Variants in SLC4A4 observed in about 807,000 individuals in gnomAD.
The protein encoded by SLC4A4 is electrogenic sodium bicarbonate cotransporter 1.
SLC4A4 carries 27 observed loss-of-function variants against 111.5 expected under a neutral mutation model. The ratio of observed to expected loss-of-function variants is 0.24; its 90% CI spans 0.18 to 0.33. SLC4A4 has a LOEUF of 0.33. SLC4A4 is among the 10% of genes least tolerant of loss of function. The pLI, the probability that SLC4A4 is intolerant of heterozygous loss-of-function variation, is 1.00. For missense variants in SLC4A4, 909 were observed against 1,315.5 expected, an observed-to-expected ratio of 0.69 and a Z score of 4.78; for synonymous variants, 443 against 463.4, an observed-to-expected ratio of 0.96 and a Z score of 0.57.
chr4:71,443,635 G>A (rs1724976282), intron 8 of SLC4A4, among the ~76,000 whole-genome samples: 1 of 152,104 alleles, frequency 6.6e-6, no homozygotes, highest in African/African-American at 2.4e-5. Context: ...GGAATAAAAT[G>A]TTTTAGGGTT....
At chr4:71,513,686 G>A (rs1732127524) in intron 16 of SLC4A4, among the ~76,000 whole-genome samples, 1 of 152,108 alleles carries the variant, frequency 6.6e-6, no homozygotes, top group African/African-American at 2.4e-5. Flanking sequence ...TGTGAAAGTG[G>A]ATATCCTTGT....
chr4:71,354,893 G>A (rs1161404022), intron 5 of SLC4A4, among the ~76,000 whole-genome samples: 1 of 152,106 alleles, frequency 6.6e-6, no homozygotes, highest in Non-Finnish European at 1.5e-5. Context: ...TTTCAGCTCT[G>A]CTATCATCTA....
chr4:71,126,468 A>G (rs1056425177), intron 2 of SLC4A4, among the ~76,000 whole-genome samples: 1 of 152,198 alleles, frequency 6.6e-6, no homozygotes, highest in Non-Finnish European at 1.5e-5. Context: ...ACCAGATTTC[A>G]CCAGGACAAG....
At position 71,247,637 on chromosome 4, in the gene SLC4A4, A is replaced by G. The variant is rs983311236; in HGVS notation, c.74-7583A>G. ...CCACTGAATTAGCTATTGTTTTTTT[A>G]TCTTCCAACCCTACTTCCCATTCAG... On this transcript the variant is annotated intron_variant, in intron 2 of 25. Transcript: ENST00000264485. 2.0e-5 allele frequency among the ~76,000 whole-genome samples: 3 copies of G among 152,168 alleles called. No individual in the cohort carries two copies. In the East Asian group the frequency reaches 5.8e-4, roughly 29 times the overall value.
chr4:71,402,212 A>G lies in SLC4A4; in HGVS notation c.807+4559A>G, dbSNP rs556889563. ...AGTTTAAAGTTGCTAAGCCATAACTATCTTAAAATGAAATCTAGAAGGAAA... is the reference window on the plus strand; with the variant it reads ...AGTTTAAAGTTGCTAAGCCATAACTGTCTTAAAATGAAATCTAGAAGGAAA... On this transcript the variant is annotated intron_variant, in intron 7 of 25. Transcript: ENST00000264485. Among the ~76,000 whole-genome samples, 15 of 152,316 alleles carry G rather than the reference A, an allele frequency of 9.8e-5. No individual in the cohort carries two copies. The South Asian group carries it at 2.9e-3, about 29-fold the overall frequency.
intron 3 of SLC4A4, among the ~76,000 whole-genome samples, chr4:71,260,502 A>G (rs541326269): frequency 3.9e-4 from 60 of 152,360 alleles, no homozygotes; most frequent in African/African-American, 1.4e-3. Flanking sequence ...AAAAAACAAA[A>G]CACAAACACA....
chr4:71,320,544 G>A (rs185968625), intron 3 of SLC4A4, among the ~76,000 whole-genome samples: 1 of 152,138 alleles, frequency 6.6e-6, no homozygotes, highest in East Asian at 1.9e-4. Context: ...CGAAAGAGAG[G>A]TGGCAGAGGG....
At chr4:71,296,206 T>C (rs942347961) in intron 3 of SLC4A4, among the ~76,000 whole-genome samples, 2 of 152,194 alleles carry the variant, frequency 1.3e-5, no homozygotes, top group African/African-American at 4.8e-5. Flanking sequence ...AATAAAAAGC[T>C]ATATGATACA....
chr4:71,147,520 A>G (rs1744209954), intron 2 of SLC4A4, among the ~76,000 whole-genome samples: 1 of 152,122 alleles, frequency 6.6e-6, no homozygotes, highest in African/African-American at 2.4e-5. Flanking sequence ...TCTCCCCTGG[A>G]TGAACCAAGG....
At chr4:71,402,599 G>T (rs1720466332) in intron 7 of SLC4A4, among the ~76,000 whole-genome samples, 1 of 152,214 alleles carries the variant, frequency 6.6e-6, no homozygotes, top group African/African-American at 2.4e-5. Context: ...GTGAGACATT[G>T]CTGTGTTAGA....
chr4:71,307,908 A>G (rs1725819885), intron 3 of SLC4A4, among the ~76,000 whole-genome samples: 4 of 152,138 alleles, frequency 2.6e-5, no homozygotes, highest in Admixed American at 2.6e-4. Context: ...TGTGGAAAGA[A>G]CTGCTGAATA....
chr4:71,392,554 C>T (rs149443263), intron 6 of SLC4A4, among the ~76,000 whole-genome samples: 36 of 152,176 alleles, frequency 2.4e-4, no homozygotes, highest in African/African-American at 6.3e-4. Context: ...CCACACTCCC[C>T]GCTCATATCC....
chr4:71,486,218 T>A (rs2149130619), intron 14 of SLC4A4, among the ~76,000 whole-genome samples: 1 of 151,634 alleles, frequency 6.6e-6, no homozygotes, highest in East Asian at 2.0e-4. Context: ...GAAAAAGGCT[T>A]ATCTGATAAA....
rs1302279333 is a variant in SLC4A4 at position 71,567,920 on chromosome 4, T to G, written c.*169T>G. ...CTGTTTGTCTTTCTTAAAACTGACA[T>G]TTGTTGTTAATGTCATTTGTTTTTG... On this transcript the variant is annotated 3_prime_UTR_variant, in exon 26 of 26. Transcript: ENST00000264485. 8.0e-7 allele frequency: 1 copy of G among 1,252,554 alleles called. No homozygotes were observed. Among genetic ancestry groups the G allele is most frequent in the African/African-American group, 1.5e-5 (1 of 65,826 alleles). The allele number at this position is 1,252,554 out of a possible 1,614,324, so 77.6% of individuals were successfully genotyped here.
At chr4:71,273,906 T>C (rs1228090505) in intron 3 of SLC4A4, among the ~76,000 whole-genome samples, 2 of 152,196 alleles carry the variant, frequency 1.3e-5, no homozygotes, top group South Asian at 2.1e-4. Context: ...ACTGTTGTGA[T>C]GATTAAATGA....
intron 16 of SLC4A4, among the ~76,000 whole-genome samples, chr4:71,508,060 C>T (rs1247550705): frequency 6.6e-6 from 1 of 151,976 alleles, no homozygotes; most frequent in East Asian, 1.9e-4. Context: ...GACAATGTAC[C>T]AGAATCACTA....
chr4:71,100,910 G>A (rs1024083349), intron 2 of SLC4A4, among the ~76,000 whole-genome samples: 9 of 152,200 alleles, frequency 5.9e-5, no homozygotes, highest in African/African-American at 9.6e-5. Context: ...TTTCTGCAAT[G>A]AGAATTACAA....
chr4:71,268,485 GGT>G (rs1212858988), intron 3 of SLC4A4, among the ~76,000 whole-genome samples: 1 of 152,108 alleles, frequency 6.6e-6, no homozygotes, highest in Non-Finnish European at 1.5e-5. Flanking sequence ...TTTATACTTT[GGT>G]TTTGGTTTGT....
rs187918749 is a variant in SLC4A4 at position 71,166,194 on chromosome 4, C to T, written c.-1-70382C>T. On this transcript the variant is annotated intron_variant, in intron 2 of 26. Coordinates refer to the SLC4A4 transcript ENST00000649996. ...TGGGAAATATTGTTTATTGTTAACA[C>T]TTGCTGTACTCACCCATATGAAGGA... Among the ~76,000 whole-genome samples, 572 of 152,300 alleles carry T rather than the reference C, an allele frequency of 3.8e-3. 5 individuals are homozygous for T. Among genetic ancestry groups the T allele is most frequent in the Admixed American group, 9.2e-3 (141 of 15,284 alleles).
Sources: allele counts gnomAD v4.1 joint callset (sites outside exome capture counted in the v4.1 genomes callset), GRCh38; gene constraint gnomAD v4.1.1; transcripts MANE v1.5; gene names NCBI Gene and HGNC (gene_info 2026-07-23, HGNC 2026-07-21).